BCL11A: variants seen among roughly 807,000 people sequenced by gnomAD.
BCL11A encodes the protein B cell CLL/lymphoma 11A.
A neutral mutation model predicts 55.9 loss-of-function variants in BCL11A; 2 were observed. That is an observed-to-expected ratio of 0.04 (90% CI 0.01 to 0.11). The LOEUF (loss-of-function observed/expected upper bound fraction) is 0.11. Among genes scored for constraint, BCL11A ranks in the 10% least tolerant of loss-of-function variants. The pLI is 1.00. For missense variants in BCL11A, 817 were observed against 1,137.1 expected (o/e 0.72, Z 4.05); for synonymous variants, 465 against 473.4 (o/e 0.98, Z 0.23).
chr2:60,494,184 A>C (rs1210925254), intron 2 of BCL11A, among the ~76,000 whole-genome samples: 2 of 152,164 alleles, frequency 1.3e-5, no homozygotes, highest in Non-Finnish European at 2.9e-5. Context: ...CTAGGGCAAT[A>C]AATACATCCT....
At chr2:60,484,338 C>T (rs1489935138) in intron 2 of BCL11A, 1 of 152,490 alleles carries the variant, frequency 6.6e-6, no homozygotes, top group East Asian at 1.9e-4. Flanking sequence ...CCCCTGCCTC[C>T]TCTCTTCCCC....
Position 60,504,799 on chromosome 2 carries a change from T to C in BCL11A, c.386-35966A>G, listed in dbSNP as rs1679482365. On this transcript the variant is annotated intron_variant, in intron 2 of 3. Transcript: ENST00000642384. ...GGAATATCAGGTACATATCTGTCCC[T>C]GAAAATGCTTAAAAGATCAAACTGA... is the stretch of plus-strand genomic sequence containing the variant. Among the ~76,000 whole-genome samples, 3 of 152,194 alleles carry C rather than the reference T, an allele frequency of 2.0e-5. No homozygotes were observed. The South Asian group carries it at 6.2e-4, about 32-fold the overall frequency.
intron 2 of BCL11A, among the ~76,000 whole-genome samples, chr2:60,516,318 G>C (rs1428475956): frequency 6.6e-6 from 1 of 152,214 alleles, no homozygotes; most frequent in Non-Finnish European, 1.5e-5. Flanking sequence ...ACTCAAAAAA[G>C]ACTTGGCTCT....
At chr2:60,508,411 AC>A (rs1420947769) in intron 2 of BCL11A, among the ~76,000 whole-genome samples, 1 of 152,136 alleles carries the variant, frequency 6.6e-6, no homozygotes, top group African/African-American at 2.4e-5. Context: ...CCTGAGTCTG[AC>A]TTTTACCCAA....
At chr2:60,452,431 A>G, downstream of BCL11A, 3 of 680,528 alleles carry the variant, frequency 4.4e-6, no homozygotes, top group Non-Finnish European at 7.7e-6. Flanking sequence ...CCTAGGCTGG[A>G]AGGACTCTGC....
intron 2 of BCL11A, among the ~76,000 whole-genome samples, chr2:60,477,751 C>T (rs1055957739): frequency 6.6e-6 from 1 of 152,092 alleles, no homozygotes; most frequent in African/African-American, 2.4e-5. Flanking sequence ...GTGGGCAGCC[C>T]CAGCGACACT....
At chr2:60,483,058 A>C (rs981944977) in intron 2 of BCL11A, among the ~76,000 whole-genome samples, 2 of 152,228 alleles carry the variant, frequency 1.3e-5, no homozygotes, top group African/African-American at 4.8e-5. Context: ...TCAGCCCATG[A>C]TTACTTTGCG....
Position 60,460,900 on chromosome 2 carries a change from T to A in BCL11A, c.2012A>T (p.Asp671Val). 6.2e-7 allele frequency: 1 copy of A among 1,613,124 alleles called. No homozygotes were observed. The highest frequency in any genetic ancestry group is 8.5e-7 in the Non-Finnish European group (1 of 1,180,026). The change falls in exon 4 of 4, where the codon GAT (aspartate) becomes GTT (valine). Residue 671 changes from aspartate to valine, a missense_variant. By Grantham distance (152) the Asp-to-Val change is radical. This residue lies in a region of BCL11A where 379 missense variants were observed against 425.3 expected (regional missense o/e 0.89). Transcript: ENST00000642384. Reference protein sequence around the residue: ...AGYAASRQLKDPFLSFGDSRQ... With the variant: ...AGYAASRQLKVPFLSFGDSRQ... ...GGAGTCTCCGAAGCTAAGGAAGGGATCTTTGAGCTGCCTGGAGGCCGCGTA... is the reference window on the plus strand; with the variant it reads ...GGAGTCTCCGAAGCTAAGGAAGGGAACTTTGAGCTGCCTGGAGGCCGCGTA...
At chr2:60,502,420 C>T (rs748797832) in intron 2 of BCL11A, among the ~76,000 whole-genome samples, 1 of 152,238 alleles carries the variant, frequency 6.6e-6, no homozygotes, top group Non-Finnish European at 1.5e-5. Flanking sequence ...GACAGAATAA[C>T]TTCTTCATCA....
intron 2 of BCL11A, among the ~76,000 whole-genome samples, chr2:60,521,221 A>C (rs563643440): frequency 5.3e-5 from 8 of 152,342 alleles, no homozygotes; most frequent in Middle Eastern, 3.4e-3. Flanking sequence ...AATTTAATTT[A>C]ATCTGCTGTA....
intron 1 of BCL11A, among the ~76,000 whole-genome samples, chr2:60,547,559 A>G (rs942791341): frequency 1.3e-5 from 2 of 152,064 alleles, no homozygotes; most frequent in African/African-American, 2.4e-5. Context: ...GGATGCTGCC[A>G]GTTAATAAAA....
chr2:60,469,883 T>C (rs1677104810), intron 2 of BCL11A, among the ~76,000 whole-genome samples: 1 of 152,142 alleles, frequency 6.6e-6, no homozygotes, highest in Admixed American at 6.5e-5. Flanking sequence ...TTGGAGTTCA[T>C]GATGATTGGG....
Position 60,461,238 on chromosome 2 carries a change from G to T in BCL11A, c.1674C>A (p.Phe558Leu), listed in dbSNP as rs1426844909. Residue 558 changes from phenylalanine to leucine, a missense_variant, in exon 4 of 4, where the codon TTC (phenylalanine) becomes TTA (leucine). Physicochemically the swap from Phe to Leu is conservative, Grantham distance 22. This residue lies in a region of BCL11A where 379 missense variants were observed against 425.3 expected (regional missense o/e 0.89). Coordinates refer to ENST00000642384, the MANE Select transcript of BCL11A (RefSeq NM_022893.4). ...CCAGGACCTGGTGGAAGGCCTCGCT[G>T]AAGTGCTGCATGGAGCTGAGCACCA... ...QGMVLSSMQH[F>L]SEAFHQVLGE... The T allele has an allele frequency of 7.5e-6, 12 of 1,610,084 alleles. No homozygotes were observed. The highest frequency in any genetic ancestry group is 6.7e-5 in the Admixed American group (4 of 59,978).
At chr2:60,495,123 A>C (rs920936862) in intron 2 of BCL11A, among the ~76,000 whole-genome samples, 5 of 152,206 alleles carry the variant, frequency 3.3e-5, no homozygotes, top group African/African-American at 4.8e-5. Flanking sequence ...TTGAGAAATA[A>C]AATCCAATTC....
chr2:60,484,321 C>T (rs1678143133), intron 2 of BCL11A: 1 of 152,400 alleles, frequency 6.6e-6, no homozygotes, highest in African/African-American at 2.4e-5. Flanking sequence ...AATTCCAACC[C>T]TCTCTCCCCC....
rs893298915 is a variant in BCL11A at position 60,457,485 on chromosome 2, A to G, written c.*2919T>C. On this transcript the variant is annotated 3_prime_UTR_variant, in exon 4 of 4. Transcript: ENST00000642384. ...ATAGTAAAAGATAAAATTTCAAGTT[A>G]CGACAAACAGCTTTCATTACAGGAA... The G allele has an allele frequency of 2.9e-6, 3 of 1,043,230 alleles. No homozygotes were observed. Among genetic ancestry groups the G allele is most frequent in the Non-Finnish European group, 3.5e-6 (3 of 865,052 alleles). The allele number at this position is 1,043,230 out of a possible 1,614,324, so 64.6% of individuals were successfully genotyped here.
chr2:60,509,367 G>A (rs1233148135), intron 2 of BCL11A, among the ~76,000 whole-genome samples: 1 of 152,190 alleles, frequency 6.6e-6, no homozygotes, highest in African/African-American at 2.4e-5. Flanking sequence ...CGGATTTCCG[G>A]AAGAAATTCC....
intron 3 of BCL11A, among the ~76,000 whole-genome samples, chr2:60,464,257 G>A (rs1676478202): frequency 6.6e-6 from 1 of 152,178 alleles, no homozygotes; most frequent in South Asian, 2.1e-4. Flanking sequence ...AAGGCAGAAA[G>A]ATTTTGAAAG....
intron 2 of BCL11A, among the ~76,000 whole-genome samples, chr2:60,495,919 C>G (rs1215026681): frequency 6.6e-6 from 1 of 151,972 alleles, no homozygotes; most frequent in Non-Finnish European, 1.5e-5. Flanking sequence ...TGTCATTTTT[C>G]TGAGAGTCTC....
Sources: gnomAD v4.1 joint callset for allele counts (sites outside exome capture counted in the v4.1 genomes callset) on GRCh38, gnomAD v4.1.1 for gene constraint, gnomAD v4.1.1 regional missense constraint, MANE v1.5 for transcripts, NCBI Gene and HGNC (gene_info 2026-07-23, HGNC 2026-07-21) for gene names.